Variants in NAALADL2 observed in about 807,000 individuals in gnomAD.
NAALADL2 encodes the protein inactive N-acetylated-alpha-linked acidic dipeptidase-like protein 2.
Under a neutral mutation model 87.2 loss-of-function variants are expected in NAALADL2, and 76 were observed. The ratio of observed to expected loss-of-function variants is 0.87; its 90% CI spans 0.72 to 1.05. NAALADL2 has a LOEUF of 1.05. Ranked by LOEUF, NAALADL2 falls within the 50% of genes least tolerant of loss-of-function variation. The probability of loss-of-function intolerance (pLI) is 0.00; values close to 1 mark genes in which losing one functional copy is unlikely to be tolerated. For missense variants in NAALADL2, 1,089 were observed against 945.8 expected, an observed-to-expected ratio of 1.15 and a Z score of -1.99; for synonymous variants, 354 against 331.0, an observed-to-expected ratio of 1.07 and a Z score of -0.75.
At chr3:174,943,504 C>G (rs1249378946) in intron 1 of NAALADL2, among the ~76,000 whole-genome samples, 3 of 152,172 alleles carry the variant, frequency 2.0e-5, no homozygotes, top group Non-Finnish European at 4.4e-5. Context: ...CTTGGCACTT[C>G]TGGGATGTCC....
At chr3:175,446,406 T>G (rs557585564) in intron 5 of NAALADL2, among the ~76,000 whole-genome samples, 1 of 152,076 alleles carries the variant, frequency 6.6e-6, no homozygotes, top group Non-Finnish European at 1.5e-5. Flanking sequence ...CATACCCAGC[T>G]AATTTTTATA....
chr3:175,362,339 T>G (rs1308710251), intron 5 of NAALADL2, among the ~76,000 whole-genome samples: 1 of 148,148 alleles, frequency 6.8e-6, no homozygotes, highest in African/African-American at 2.5e-5. Flanking sequence ...AGGATTGTCT[T>G]GGCAATGCGG....
At chr3:175,399,622 C>G (rs900212462) in intron 5 of NAALADL2, among the ~76,000 whole-genome samples, 2 of 152,106 alleles carry the variant, frequency 1.3e-5, no homozygotes, top group African/African-American at 4.8e-5. Flanking sequence ...GACCAGAGAT[C>G]ACTCTCATCA....
chr3:175,202,410 G>A (rs1410942579), intron 2 of NAALADL2, among the ~76,000 whole-genome samples: 1 of 152,156 alleles, frequency 6.6e-6, no homozygotes, highest in South Asian at 2.1e-4. Context: ...TGCTCTGGCT[G>A]TTTAATGCTG....
At chr3:175,590,735 G>A (rs956631543) in intron 10 of NAALADL2, among the ~76,000 whole-genome samples, 1 of 152,110 alleles carries the variant, frequency 6.6e-6, no homozygotes, top group Admixed American at 6.6e-5. Flanking sequence ...CAAGGACATT[G>A]TATATAGAAC....
intron 1 of NAALADL2, among the ~76,000 whole-genome samples, chr3:174,462,117 CAGAA>C (rs1379102508): frequency 6.6e-6 from 1 of 151,494 alleles, no homozygotes; most frequent in Non-Finnish European, 1.5e-5. Context: ...ATTTTTAATA[CAGAA>C]AGAATGAGAA....
intron 3 of NAALADL2, among the ~76,000 whole-genome samples, chr3:174,801,441 G>A (rs1000524062): frequency 7.9e-5 from 12 of 152,204 alleles, no homozygotes; most frequent in African/African-American, 1.9e-4. Context: ...CTCCAGCAAC[G>A]TGGAACTGTA....
At chr3:175,554,094 A>C (rs1714880069) in intron 9 of NAALADL2, among the ~76,000 whole-genome samples, 1 of 152,180 alleles carries the variant, frequency 6.6e-6, no homozygotes, top group Admixed American at 6.5e-5. Context: ...TCAAATTAAT[A>C]GTGGAAGGAG....
intron 1 of NAALADL2, among the ~76,000 whole-genome samples, chr3:175,043,613 C>T (rs911324154): frequency 6.6e-6 from 1 of 152,100 alleles, no homozygotes; most frequent in Non-Finnish European, 1.5e-5. Flanking sequence ...TCTGTTTTCT[C>T]AACACCATTT....
chr3:175,516,218 C>T (rs1560688406), intron 9 of NAALADL2, among the ~76,000 whole-genome samples: 1 of 152,130 alleles, frequency 6.6e-6, no homozygotes. Context: ...TAAAGAAACA[C>T]CAGCAAACAG....
chr3:175,631,442 C>T (rs575420418), intron 11 of NAALADL2, among the ~76,000 whole-genome samples: 1 of 144,572 alleles, frequency 6.9e-6, no homozygotes, highest in Non-Finnish European at 1.5e-5. Flanking sequence ...CACTGTTTCC[C>T]TGTAGTTCTT....
intron 6 of NAALADL2, among the ~76,000 whole-genome samples, chr3:175,462,528 T>C (rs924523183): frequency 2.2e-4 from 34 of 152,328 alleles, no homozygotes; most frequent in South Asian, 6.2e-4. Flanking sequence ...GCCAGTATAA[T>C]GTGGCTACTT....
intron 1 of NAALADL2, among the ~76,000 whole-genome samples, chr3:175,054,052 C>T (rs1055705580): frequency 2.0e-5 from 3 of 152,290 alleles, no homozygotes; most frequent in Non-Finnish European, 2.9e-5. Context: ...TGTATGAAAT[C>T]GTAACTGAGC....
At chr3:175,650,842 G>A (rs966729284) in intron 11 of NAALADL2, among the ~76,000 whole-genome samples, 8 of 151,860 alleles carry the variant, frequency 5.3e-5, no homozygotes, top group Non-Finnish European at 1.2e-4. Flanking sequence ...AAACATTTAG[G>A]GTGTTATAAC....
At chr3:175,247,260 ATG>A (rs1489356423) in intron 3 of NAALADL2, among the ~76,000 whole-genome samples, 13 of 93,764 alleles carry the variant, frequency 1.4e-4, no homozygotes, top group African/African-American at 4.8e-4. Context: ...GAAGCAAATT[ATG>A]TGTGTACACA....
rs1422598545 is a variant in NAALADL2, at chr3:175,809,648, C to T, written c.*6445C>T. ...CCCAAAAGTTTGAAGCTGCAGTGAG[C>T]TAAAATCATGCCACTGTAGTCCAGC... On this transcript the variant is annotated 3_prime_UTR_variant, in exon 14 of 14. Coordinates refer to ENST00000454872, the MANE Select transcript of NAALADL2 (RefSeq NM_207015.3). The T allele has an allele frequency of 6.6e-6, 1 of 151,292 alleles. No individual in the cohort carries two copies. 9.4% of individuals were successfully genotyped at this position (151,292 alleles called of 1,614,324 possible).
At chr3:174,705,807 G>T (rs1383130645) in intron 2 of NAALADL2, among the ~76,000 whole-genome samples, 1 of 147,572 alleles carries the variant, frequency 6.8e-6, no homozygotes, top group African/African-American at 2.5e-5. Flanking sequence ...AAAAATGTCA[G>T]TTCTGGGTCT....
chr3:175,471,013 A>G (rs1724783257), intron 8 of NAALADL2, among the ~76,000 whole-genome samples: 1 of 152,134 alleles, frequency 6.6e-6, no homozygotes, highest in African/African-American at 2.4e-5. Flanking sequence ...TTGCATTCAT[A>G]TTCTGTAGTT....
chr3:175,094,733 TA>T (rs145643714), intron 1 of NAALADL2, among the ~76,000 whole-genome samples: 12 of 129,076 alleles, frequency 9.3e-5, no homozygotes, highest in Admixed American at 6.6e-4. Flanking sequence ...GACTAAATGT[TA>T]AAAAAAAAGC....
Sources: allele counts gnomAD v4.1 joint callset (sites outside exome capture counted in the v4.1 genomes callset), GRCh38; gene constraint gnomAD v4.1.1; transcripts MANE v1.5; gene names NCBI Gene and HGNC (gene_info 2026-07-23, HGNC 2026-07-21).